KCNAB2: variants seen among roughly 807,000 people sequenced by gnomAD.
KCNAB2 encodes the protein potassium voltage-gated channel subfamily A regulatory beta subunit 2, also known as voltage-gated potassium channel subunit beta-2.
Under a neutral mutation model 63.6 loss-of-function variants are expected in KCNAB2, and 29 were observed. The ratio of observed to expected loss-of-function variants is 0.46; its 90% confidence interval spans 0.34 to 0.62. KCNAB2 has a LOEUF of 0.62. KCNAB2 is among the 20% of genes least tolerant of loss of function. The probability of loss-of-function intolerance (pLI) is 0.01; values close to 1 mark genes in which losing one functional copy is unlikely to be tolerated. For missense variants in KCNAB2, 359 were observed against 563.9 expected (o/e 0.64, Z 3.68); for synonymous variants, 222 against 224.2 (o/e 0.99, Z 0.09).
chr1:6,071,987 T>C lies in KCNAB2; in HGVS notation c.219-768T>C, dbSNP rs1346532898. On this transcript the variant is annotated intron_variant, in intron 2 of 15. Coordinates refer to ENST00000378083, the MANE Select transcript of KCNAB2 (RefSeq NM_001199862.2). This position sits in a 1 kb window ranked among gnomAD's most constrained non-coding sequence, Gnocchi z 8.5. ...ACCCTGCAGGCTCCTAGGCAACCTGTGCCAGGACATACGGGCATGCCGGTC... is the reference window on the plus strand; with the variant it reads ...ACCCTGCAGGCTCCTAGGCAACCTGCGCCAGGACATACGGGCATGCCGGTC... Among the ~76,000 whole-genome samples, 1 of 152,162 alleles carries C rather than the reference T, an allele frequency of 6.6e-6. No individual in the cohort carries two copies. The highest frequency in any genetic ancestry group is 1.5e-5 in the Non-Finnish European group (1 of 67,988).
chr1:6,038,020 G>A (rs948124630), intron 1 of KCNAB2, among the ~76,000 whole-genome samples: 38 of 151,406 alleles, frequency 2.5e-4, no homozygotes, highest in Non-Finnish European at 2.4e-4. Flanking sequence ...GACTACAGGC[G>A]CCCGCCATCA....
intron 1 of KCNAB2, among the ~76,000 whole-genome samples, chr1:6,025,573 C>T (rs952996204): frequency 2.0e-5 from 3 of 152,226 alleles, no homozygotes; most frequent in Admixed American, 2.0e-4. Context: ...ACCTCTGGCC[C>T]GTCCTCCCCA....
At chr1:6,067,883 T>A (rs1307716949) in intron 2 of KCNAB2, among the ~76,000 whole-genome samples, 1 of 152,066 alleles carries the variant, frequency 6.6e-6, no homozygotes, top group Non-Finnish European at 1.5e-5. Context: ...ATACAAAAAT[T>A]AGCTGGGCAT....
rs1309360317 is a variant in KCNAB2, at chr1:6,078,016, A to G, written c.301-4179A>G. Among the ~76,000 whole-genome samples the G allele has an allele frequency of 6.7e-6, 1 of 149,792 alleles. No homozygotes were observed. Among genetic ancestry groups the G allele is most frequent in the Non-Finnish European group, 1.5e-5 (1 of 67,562 alleles). The stretch of plus-strand genomic sequence containing the variant: ...ACTCGGTACCCCTGAGCCTAAGTCC[A>G]GGAGTCAGCCGGGCCGGGCTTCCTT... On this transcript the variant is annotated intron_variant, in intron 4 of 15. Coordinates refer to ENST00000378083, the MANE Select transcript of KCNAB2 (RefSeq NM_001199862.2). The surrounding 1 kb of genome is among the most constrained non-coding windows in gnomAD (Gnocchi z 4.2).
chr1:6,062,707 G>A (rs1047674967), intron 2 of KCNAB2, among the ~76,000 whole-genome samples: 3 of 152,160 alleles, frequency 2.0e-5, no homozygotes, highest in African/African-American at 7.2e-5. Context: ...CGAGTTCAAA[G>A]GCAGAGAAAC....
chr1:6,050,533 G>T (rs946851138), intron 1 of KCNAB2, among the ~76,000 whole-genome samples: 9 of 152,210 alleles, frequency 5.9e-5, no homozygotes, highest in African/African-American at 1.7e-4. Flanking sequence ...CTGGACACAC[G>T]CTTTCTCCCT....
At chr1:6,068,828 C>T (rs1173907838) in intron 2 of KCNAB2, among the ~76,000 whole-genome samples, 1 of 152,168 alleles carries the variant, frequency 6.6e-6, no homozygotes, top group East Asian at 1.9e-4. Context: ...CAGTGGTGTG[C>T]TCCAGGCACA....
At chr1:6,034,295 A>G (rs532504431) in exon 1 of KCNAB2, 16 of 152,562 alleles carry the variant, frequency 1.0e-4, no homozygotes, top group African/African-American at 2.2e-4. Context: ...AATGCAAAGC[A>G]GGGGCTGTGG....
intron 11 of KCNAB2, among the ~76,000 whole-genome samples, chr1:6,094,911 A>G (rs1665492028): frequency 6.6e-6 from 1 of 152,224 alleles, no homozygotes; most frequent in African/African-American, 2.4e-5. Context: ...GTTAGGGTCA[A>G]GGGTTCCACA....
intron 1 of KCNAB2, among the ~76,000 whole-genome samples, chr1:6,004,985 GGCAGAGATC>G (rs1657494729): frequency 1.7e-5 from 2 of 117,814 alleles, no homozygotes. Context: ...TGAGGGTGCA[GGCAGAGATC>G]TGGGAGCTGA....
chr1:5,998,158 A>T (rs1657040001), intron 1 of KCNAB2, among the ~76,000 whole-genome samples: 1 of 152,272 alleles, frequency 6.6e-6, no homozygotes, highest in African/African-American at 2.4e-5. Context: ...AGGCTGGATG[A>T]TGGCCAGAGG....
intron 1 of KCNAB2, among the ~76,000 whole-genome samples, chr1:5,999,508 CG>C (rs1657118421): frequency 2.6e-5 from 4 of 152,272 alleles, no homozygotes; most frequent in South Asian, 2.1e-4. Flanking sequence ...AAGGGCTTTG[CG>C]GGGGTTTCTG....
intron 4 of KCNAB2, 110 bp from the exon 5 acceptor site, chr1:6,082,083 CGG>C: frequency 4.7e-6 from 4 of 852,936 alleles, no homozygotes; most frequent in Non-Finnish European, 5.9e-6. Flanking sequence ...CTGTCGGGCC[CGG>C]GAGGGCAGGG....
chr1:6,068,400 TCTGA>T (rs2100633835), intron 2 of KCNAB2, among the ~76,000 whole-genome samples: 1 of 152,304 alleles, frequency 6.6e-6, no homozygotes, highest in East Asian at 1.9e-4. Context: ...CCTGGCACTC[TCTGA>T]CTGAGGGCGG....
In KCNAB2 at chr1:6,086,336, A is replaced by T. The variant is rs766241047; in HGVS notation, c.425+1088A>T. The T allele has an allele frequency of 3.1e-6, 3 of 983,300 alleles. No individual in the cohort carries two copies. The highest frequency in any genetic ancestry group is 3.6e-6 in the Non-Finnish European group (3 of 829,642). 60.9% of individuals were successfully genotyped at this position (983,300 alleles called of 1,614,324 possible). ...CTGATCCCAAAACAAATTCCTCCTCACCCTGTAATTAAACGAAATTGCACG... is the reference window on the plus strand; with the variant it reads ...CTGATCCCAAAACAAATTCCTCCTCTCCCTGTAATTAAACGAAATTGCACG... On this transcript the variant is annotated intron_variant, in intron 6 of 15. Coordinates refer to ENST00000378083, the MANE Select transcript of KCNAB2 (RefSeq NM_001199862.2). The surrounding 1 kb of genome is among the most constrained non-coding windows in gnomAD (Gnocchi z 4.2).
At position 6,071,915 on chromosome 1, in the gene KCNAB2, G is replaced by A. The variant is rs567175298; in HGVS notation, c.219-840G>A. Among the ~76,000 whole-genome samples the A allele has an allele frequency of 1.7e-3, 264 of 152,080 alleles. 2 individuals carry two copies. The highest frequency in any genetic ancestry group is 0.011 in the South Asian group (53 of 4,828). ...GCTCCTCCTGCCGCGTAGGGCTCCC[G>A]GGAGGATCCGGGGACAGGATGCCTG... On this transcript the variant is annotated intron_variant, in intron 2 of 15. Transcript: ENST00000378083. This position sits in a 1 kb window ranked among gnomAD's most constrained non-coding sequence, Gnocchi z 8.5.
At chr1:6,020,608 T>G (rs1239079119) in intron 1 of KCNAB2, among the ~76,000 whole-genome samples, 1 of 152,228 alleles carries the variant, frequency 6.6e-6, no homozygotes, top group Non-Finnish European at 1.5e-5. Context: ...ATAGGGGTCA[T>G]GGGTGACAGG....
chr1:6,088,819 G>C (rs1006235917), intron 7 of KCNAB2, among the ~76,000 whole-genome samples, 189 bp from the exon 8 acceptor site: 1 of 138,426 alleles, frequency 7.2e-6, no homozygotes, highest in Non-Finnish European at 1.5e-5. Flanking sequence ...CCTGTGACCA[G>C]GCCTCTCCCT....
chr1:6,046,209 T>G (rs1389124611), intron 1 of KCNAB2, 26 bp downstream of exon 1: 1 of 985,284 alleles, frequency 1.0e-6, no homozygotes, highest in Non-Finnish European at 1.2e-6. Context: ...AGCCGCTACC[T>G]TCCTAGTGGA....
Sources: gnomAD v4.1 joint callset for allele counts (sites outside exome capture counted in the v4.1 genomes callset) on GRCh38, gnomAD v4.1.1 for gene constraint, Gnocchi (gnomAD v3.1) non-coding constraint, MANE v1.5 for transcripts, NCBI Gene and HGNC (gene_info 2026-07-23, HGNC 2026-07-21) for gene names.